Variants in MTUS2 observed in about 807,000 individuals in gnomAD.
MTUS2 encodes microtubule associated scaffold protein 2.
MTUS2 carries 40 observed loss-of-function variants against 114.1 expected under a neutral mutation model. That is an observed-to-expected ratio of 0.35 (90% CI 0.27 to 0.46). The LOEUF (loss-of-function observed/expected upper bound fraction) is 0.46. Among genes scored for constraint, MTUS2 ranks in the 20% least tolerant of loss-of-function variants. The pLI, the probability that MTUS2 is intolerant of heterozygous loss-of-function variation, is 1.00. For synonymous variants in MTUS2, 688 were observed against 672.0 expected, an observed-to-expected ratio of 1.02 and a Z score of -0.37; for missense variants, 1,679 against 1,705.4, an observed-to-expected ratio of 0.98 and a Z score of 0.27.
At chr13:29,050,816 A>G (rs1411044708) in intron 4 of MTUS2, among the ~76,000 whole-genome samples, 2 of 152,162 alleles carry the variant, frequency 1.3e-5, no homozygotes, top group Non-Finnish European at 1.5e-5. Flanking sequence ...TGTTTGCACA[A>G]GTAGTACGTT....
At chr13:29,147,523 T>G (rs761654055) in intron 5 of MTUS2, among the ~76,000 whole-genome samples, 5 of 152,290 alleles carry the variant, frequency 3.3e-5, no homozygotes, top group Non-Finnish European at 7.4e-5. Flanking sequence ...GGGGTTTGAT[T>G]GATCTTGTCC....
At chr13:29,367,838 G>A (rs1037522469) in intron 8 of MTUS2, among the ~76,000 whole-genome samples, 6 of 151,986 alleles carry the variant, frequency 3.9e-5, no homozygotes, top group African/African-American at 1.4e-4. Flanking sequence ...AATCTGCTCC[G>A]GAACTGTACA....
chr13:29,026,552 T>C lies in MTUS2; in HGVS notation c.1854T>C (p.Tyr618=), dbSNP rs772608904. The change falls in exon 3 of 16, where the codon TAT becomes TAC. Residue 618 remains tyrosine (Y), a synonymous_variant. Transcript: ENST00000612955. ...CCTCGCAGGAGGGAATGGAGAACTA[T>C]CAGGTTGAAAAAACAGAGGAGAGGA... is the stretch of plus-strand genomic sequence containing the variant. The part of the protein sequence containing the change: ...TPSSQEGMEN[Y]QVEKTEERTE... 8.7e-6 allele frequency: 14 copies of C among 1,613,744 alleles called. No individual in the cohort carries two copies. In the South Asian group the frequency reaches 1.2e-4, roughly 14 times the overall value.
intron 6 of MTUS2, among the ~76,000 whole-genome samples, chr13:29,290,908 G>A (rs976220584): frequency 6.6e-6 from 1 of 152,170 alleles, no homozygotes; most frequent in Non-Finnish European, 1.5e-5. Flanking sequence ...ACAAATAGCT[G>A]CCGAATAAAT....
chr13:28,976,655 T>C (rs574158022), intron 2 of MTUS2, among the ~76,000 whole-genome samples: 76 of 152,256 alleles, frequency 5.0e-4, no homozygotes, highest in African/African-American at 1.7e-3. Context: ...ATGAGAAACA[T>C]TTAGAAGTTA....
intron 2 of MTUS2, among the ~76,000 whole-genome samples, chr13:28,974,054 C>T (rs1010583384): frequency 6.6e-6 from 1 of 151,984 alleles, no homozygotes; most frequent in Non-Finnish European, 1.5e-5. Flanking sequence ...TATTCTCTCT[C>T]CCAATTTTCT....
chr13:29,355,529 A>C (rs2138205128), intron 7 of MTUS2, among the ~76,000 whole-genome samples: 1 of 152,362 alleles, frequency 6.6e-6, no homozygotes, highest in South Asian at 2.1e-4. Flanking sequence ...CAAGGTGGTC[A>C]GAAGACCAAC....
intron 9 of MTUS2, among the ~76,000 whole-genome samples, chr13:29,442,079 A>G (rs955730678): frequency 1.3e-5 from 2 of 151,992 alleles, no homozygotes; most frequent in African/African-American, 2.4e-5. Flanking sequence ...GGAGGTGGAG[A>G]CAGCTGGGAG....
chr13:29,350,156 A>G (rs938242529), intron 7 of MTUS2, among the ~76,000 whole-genome samples: 8 of 152,016 alleles, frequency 5.3e-5, no homozygotes, highest in African/African-American at 1.9e-4. Flanking sequence ...ACATTTATTT[A>G]CTAACTTACA....
intron 2 of MTUS2, among the ~76,000 whole-genome samples, chr13:28,848,110 A>G (rs1876010068): frequency 6.6e-6 from 1 of 152,122 alleles, no homozygotes; most frequent in African/African-American, 2.4e-5. Context: ...AGGGATATAT[A>G]TATATATATT....
chr13:28,987,605 T>C (rs1747944420), intron 2 of MTUS2, among the ~76,000 whole-genome samples: 1 of 151,988 alleles, frequency 6.6e-6, no homozygotes, highest in African/African-American at 2.4e-5. Context: ...GTGGGGGCCG[T>C]CCCTGAGACA....
chr13:29,293,109 A>T (rs1388205213), intron 6 of MTUS2, among the ~76,000 whole-genome samples: 1 of 152,166 alleles, frequency 6.6e-6, no homozygotes, highest in Non-Finnish European at 1.5e-5. Flanking sequence ...TTAAATGACA[A>T]AATTACATAA....
Position 29,480,067 on chromosome 13 carries a change from T to C in MTUS2, c.3185-83T>C, listed in dbSNP as rs956265646. On this transcript the variant is annotated intron_variant, in intron 9 of 15. Transcript: ENST00000612955. The surrounding 1 kb of genome is among the most constrained non-coding windows in gnomAD (Gnocchi z 4.4). Reference sequence around the variant, plus strand: ...CTCGCCCTGTTTATTACGCCAGCCTTGATGATCTGACCATGGAGGCTGAGT... The same window carrying C: ...CTCGCCCTGTTTATTACGCCAGCCTCGATGATCTGACCATGGAGGCTGAGT... 2.2e-5 allele frequency: 31 copies of C among 1,386,456 alleles called. No individual in the cohort carries two copies. Among genetic ancestry groups the C allele is most frequent in the Non-Finnish European group, 3.0e-5 (30 of 1,008,900 alleles). 85.9% of individuals were successfully genotyped at this position (1,386,456 alleles called of 1,614,324 possible). A position where few individuals can be genotyped will look rare whatever the true frequency, so the allele number is the denominator to read the frequency against.
At position 29,025,055 on chromosome 13, in the gene MTUS2, T is replaced by G; in HGVS notation, c.357T>G (p.Asp119Glu). The change falls in exon 3 of 16, where the codon GAT becomes GAG. Residue 119 changes from aspartate to glutamate, a missense_variant. This residue lies in a region of MTUS2 where 843 missense variants were observed against 770.8 expected (regional missense o/e 1.09). Transcript: ENST00000612955. ...AGCACACAGTGGAGAGAGGCACAGA[T>G]AGCCTGCAGACCACGCGGAGTATTC... ...NEEHTVERGT[D>E]SLQTTRSIQG... The G allele has an allele frequency of 6.2e-7, 1 of 1,613,890 alleles. No homozygotes were observed. Among genetic ancestry groups the G allele is most frequent in the Non-Finnish European group, 8.5e-7 (1 of 1,179,866 alleles).
At chr13:29,266,894 C>T (rs1008024870) in intron 5 of MTUS2, among the ~76,000 whole-genome samples, 3 of 152,164 alleles carry the variant, frequency 2.0e-5, no homozygotes, top group Non-Finnish European at 4.4e-5. Flanking sequence ...CTGGGGTTTA[C>T]ACTGTGCCTG....
chr13:29,134,067 A>C (rs1891873504), intron 5 of MTUS2, among the ~76,000 whole-genome samples: 1 of 151,914 alleles, frequency 6.6e-6, no homozygotes, highest in African/African-American at 2.4e-5. Flanking sequence ...TTATTCCCTA[A>C]GTCTTGTTAT....
At chr13:29,473,089 TATA>T (rs1166571084) in intron 9 of MTUS2, among the ~76,000 whole-genome samples, 2 of 152,176 alleles carry the variant, frequency 1.3e-5, no homozygotes, top group Non-Finnish European at 2.9e-5. Flanking sequence ...CCTAAATATG[TATA>T]ATGTGCATGT....
intron 2 of MTUS2, among the ~76,000 whole-genome samples, chr13:29,002,104 G>C (rs1292178714): frequency 6.6e-6 from 1 of 152,160 alleles, no homozygotes. Flanking sequence ...ATAAATTTGT[G>C]TTGTCTTGAG....
rs1898570823 is a variant in MTUS2 at position 29,288,230 on chromosome 13, G to C, written c.2806+6365G>C. Among the ~76,000 whole-genome samples, 3 of 152,202 alleles carry C rather than the reference G, an allele frequency of 2.0e-5. No individual in the cohort carries two copies. In the South Asian group the frequency reaches 6.2e-4, roughly 32 times the overall value. ...TCATGGGCTTATCCTTGTGGCTCTG[G>C]GAATGGAGGCAATGGGGATGTGAGT... On this transcript the variant is annotated intron_variant, in intron 6 of 15. Transcript: ENST00000612955.
Sources: gnomAD v4.1 joint callset for allele counts (sites outside exome capture counted in the v4.1 genomes callset) on GRCh38, gnomAD v4.1.1 for gene constraint, gnomAD v4.1.1 regional missense constraint, Gnocchi (gnomAD v3.1) non-coding constraint, MANE v1.5 for transcripts, NCBI Gene and HGNC (gene_info 2026-07-23, HGNC 2026-07-21) for gene names.